Variants in SLAIN2 observed in about 807,000 individuals in gnomAD.
SLAIN2 encodes the protein SLAIN family member 2, also known as SLAIN motif-containing protein 2.
SLAIN2 carries 31 observed loss-of-function variants against 56.6 expected under a neutral mutation model. The observed-to-expected ratio is 0.55, with a 90% CI of 0.41 to 0.74. The LOEUF (loss-of-function observed/expected upper bound fraction) is 0.74. Ranked by LOEUF, SLAIN2 falls within the 30% of genes least tolerant of loss-of-function variation. The pLI is 0.00. For missense variants in SLAIN2, 777 were observed against 754.2 expected (o/e 1.03, Z -0.35); for synonymous variants, 317 against 284.9 (o/e 1.11, Z -1.13).
At chr4:48,352,354 T>C (rs1246868345) in intron 1 of SLAIN2, among the ~76,000 whole-genome samples, 2 of 152,208 alleles carry the variant, frequency 1.3e-5, no homozygotes, top group Non-Finnish European at 2.9e-5. Context: ...TCACATCACA[T>C]CAAGCTAAAT....
chr4:48,367,494 A>G (rs987450552), intron 1 of SLAIN2, among the ~76,000 whole-genome samples: 7 of 152,350 alleles, frequency 4.6e-5, no homozygotes, highest in African/African-American at 1.7e-4. Flanking sequence ...TTATAAAGGT[A>G]GGCTCAGCAA....
chr4:48,421,366 C>T (rs1717152860), intron 7 of SLAIN2, among the ~76,000 whole-genome samples: 2 of 152,202 alleles, frequency 1.3e-5, no homozygotes, highest in East Asian at 3.9e-4. Context: ...AATGATGCAT[C>T]TGTAACCTTT....
intron 5 of SLAIN2, 92 bp downstream of exon 5, chr4:48,383,019 T>C: frequency 7.5e-7 from 1 of 1,339,118 alleles, no homozygotes. Flanking sequence ...ATTTTCAAAA[T>C]TAGCTGGGCA....
intron 6 of SLAIN2, among the ~76,000 whole-genome samples, chr4:48,396,819 C>T (rs963320773): frequency 2.0e-5 from 3 of 152,090 alleles, no homozygotes; most frequent in African/African-American, 7.2e-5. Flanking sequence ...GAAATATAGT[C>T]ACTTTGATTT....
rs958021623 is a variant in SLAIN2, at chr4:48,423,581, G to A, written c.*1504G>A. ...ATTGGGAGAGAGAAATAGAAGGCTT[G>A]ATATTCTGGACAGCATTAAGGTTGA... is the stretch of plus-strand genomic sequence containing the variant. On this transcript the variant is annotated 3_prime_UTR_variant, in exon 8 of 8. Coordinates refer to ENST00000264313, the MANE Select transcript of SLAIN2 (RefSeq NM_020846.2). 6.6e-6 allele frequency: 1 copy of A among 152,108 alleles called. No individual in the cohort carries two copies. The highest frequency in any genetic ancestry group is 6.6e-5 in the Admixed American group (1 of 15,256). The allele number at this position is 152,108 out of a possible 1,614,324, so 9.4% of individuals were successfully genotyped here.
rs535334438 is a variant in SLAIN2, at chr4:48,396,663, T to C, written c.1360+12879T>C. ...TATTTGGCATATTAAACGTGTCCAG[T>C]AAAGAAACATGGACCAACAGGTGAT... On this transcript the variant is annotated intron_variant, in intron 6 of 7. Transcript: ENST00000264313. Among the ~76,000 whole-genome samples, 3 of 152,274 alleles carry C rather than the reference T, an allele frequency of 2.0e-5. No homozygotes were observed. In the East Asian group the frequency reaches 5.8e-4, roughly 29 times the overall value.
chr4:48,387,445 T>A (rs1315451332), intron 6 of SLAIN2: 1 of 152,128 alleles, frequency 6.6e-6, no homozygotes, highest in African/African-American at 2.4e-5. Flanking sequence ...ATTCCAATCA[T>A]TGATTTACTT....
intron 1 of SLAIN2, among the ~76,000 whole-genome samples, chr4:48,363,372 C>A (rs1459344929): frequency 1.3e-5 from 1 of 79,146 alleles, no homozygotes; most frequent in Non-Finnish European, 3.0e-5. Context: ...CCGGACGGGG[C>A]GGCTGGCCGG....
intron 1 of SLAIN2, among the ~76,000 whole-genome samples, chr4:48,360,809 C>A (rs1715307204): frequency 6.6e-6 from 1 of 152,184 alleles, no homozygotes; most frequent in South Asian, 2.1e-4. Context: ...AACCACTGAT[C>A]AACTTGTCTC....
At chr4:48,379,612 AT>A in intron 3 of SLAIN2, 77 bp from the exon 4 acceptor site, 6 of 1,138,522 alleles carry the variant, frequency 5.3e-6, no homozygotes, top group Non-Finnish European at 5.8e-6. Flanking sequence ...AGGGTATAAT[AT>A]CAAGTTAGTT....
rs1717186951 is a variant in SLAIN2 at position 48,422,593 on chromosome 4, AG to A, written c.*521del. The A allele has an allele frequency of 6.6e-6, 1 of 152,282 alleles. No individual in the cohort carries two copies. The highest frequency in any genetic ancestry group is 2.4e-5 in the African/African-American group (1 of 41,478). The allele number at this position is 152,282 out of a possible 1,614,324, so 9.4% of individuals were successfully genotyped here. A position where few individuals can be genotyped will look rare whatever the true frequency, so the allele number is the denominator to read the frequency against. On this transcript the variant is annotated 3_prime_UTR_variant, in exon 8 of 8. Coordinates refer to ENST00000264313, the MANE Select transcript of SLAIN2 (RefSeq NM_020846.2). ...CACCAGGAAACTACAGATTGAGATT[AG>A]GGGGTGGGAGGAAAGAAACCTGGGC...
intron 6 of SLAIN2, among the ~76,000 whole-genome samples, chr4:48,390,802 TATTGGGGCTTAGTACATCATAGCCAG>T (rs1716221031): frequency 6.6e-6 from 1 of 152,204 alleles, no homozygotes; most frequent in African/African-American, 2.4e-5. Flanking sequence ...GATCTTTCGA[TATTGGGGCTTAGTACATCATAGCCAG>T]ATTTATCAAT....
chr4:48,405,595 A>G (rs555819280), intron 6 of SLAIN2, among the ~76,000 whole-genome samples: 66 of 151,296 alleles, frequency 4.4e-4, no homozygotes, highest in African/African-American at 1.5e-3. Context: ...TTGTTTTGCT[A>G]TTTTTTGCAA....
intron 2 of SLAIN2, among the ~76,000 whole-genome samples, chr4:48,373,449 C>G (rs537413815): frequency 1.3e-5 from 2 of 152,166 alleles, no homozygotes; most frequent in African/African-American, 4.8e-5. Context: ...CTAGTATCAC[C>G]TCTGTTGAAT....
intron 6 of SLAIN2, among the ~76,000 whole-genome samples, chr4:48,419,110 T>C (rs1343689588): frequency 1.7e-4 from 6 of 34,500 alleles, no homozygotes; most frequent in Non-Finnish European, 6.3e-4. Context: ...TCTGTTTTCC[T>C]TTTTTTTTTT....
At position 48,426,006 on chromosome 4, in the gene SLAIN2, ACT is replaced by A. The variant is rs548557792; in HGVS notation, c.*3932_*3933del. ...TCTTCTGATTTCGAAAGTAATAGAAACTCTGCTGTAGAACATAAACTAAAAAT... is the reference window on the plus strand; with the variant it reads ...TCTTCTGATTTCGAAAGTAATAGAAACTGCTGTAGAACATAAACTAAAAAT... On this transcript the variant is annotated 3_prime_UTR_variant, in exon 8 of 8. Coordinates refer to ENST00000264313, the MANE Select transcript of SLAIN2 (RefSeq NM_020846.2). 3.7e-4 allele frequency: 57 copies of A among 152,306 alleles called. No homozygotes were observed. In the East Asian group the frequency reaches 9.8e-3, roughly 26 times the overall value. 9.4% of individuals were successfully genotyped at this position (152,306 alleles called of 1,614,324 possible). A position where few individuals can be genotyped will look rare whatever the true frequency, so the allele number is the denominator to read the frequency against.
intron 1 of SLAIN2, among the ~76,000 whole-genome samples, chr4:48,343,592 C>T (rs181438988): frequency 4.6e-5 from 7 of 152,018 alleles, no homozygotes; most frequent in Non-Finnish European, 1.0e-4. Flanking sequence ...TGACAGTGCT[C>T]AGTAACTGGG....
intron 1 of SLAIN2, among the ~76,000 whole-genome samples, chr4:48,363,769 G>C (rs1272264470): frequency 4.7e-5 from 6 of 128,992 alleles, no homozygotes; most frequent in Non-Finnish European, 5.2e-5. Context: ...CCTCCCTCCC[G>C]GACGGGGCGG....
At chr4:48,353,382 G>A (rs1715062991) in intron 1 of SLAIN2, among the ~76,000 whole-genome samples, 1 of 151,616 alleles carries the variant, frequency 6.6e-6, no homozygotes, top group Non-Finnish European at 1.5e-5. Flanking sequence ...ATAGTCATAA[G>A]AACTTTGATG....
Sources: allele counts gnomAD v4.1 joint callset (sites outside exome capture counted in the v4.1 genomes callset), GRCh38; gene constraint gnomAD v4.1.1; transcripts MANE v1.5; gene names NCBI Gene and HGNC (gene_info 2026-07-23, HGNC 2026-07-21).